Variants in BRDT observed in about 807,000 individuals in gnomAD.
BRDT encodes the protein bromodomain testis-specific protein.
BRDT carries 77 observed loss-of-function variants against 113.9 expected under a neutral mutation model. That is an observed-to-expected ratio of 0.68 (90% CI 0.56 to 0.82). The LOEUF is 0.82. Ranked by LOEUF, BRDT falls within the 40% of genes least tolerant of loss-of-function variation. The probability of loss-of-function intolerance (pLI) is 0.00; values close to 1 mark genes in which losing one functional copy is unlikely to be tolerated. For synonymous variants in BRDT, 358 were observed against 366.5 expected, an observed-to-expected ratio of 0.98 and a Z score of 0.26; for missense variants, 1,027 against 1,105.4, an observed-to-expected ratio of 0.93 and a Z score of 1.01.
chr1:91,995,180 A>G (rs1686183211), intron 15 of BRDT, among the ~76,000 whole-genome samples: 1 of 152,070 alleles, frequency 6.6e-6, no homozygotes, highest in Non-Finnish European at 1.5e-5. Context: ...AAACCTTGAG[A>G]CACTAATGTA....
intron 18 of BRDT, among the ~76,000 whole-genome samples, chr1:92,013,432 C>G (rs1036145031): frequency 6.6e-6 from 1 of 152,104 alleles, no homozygotes; most frequent in Non-Finnish European, 1.5e-5. Context: ...CAACTGATTG[C>G]AAATTGGTGC....
Position 91,981,657 on chromosome 1 carries a change from C to T in BRDT, c.1904C>T (p.Ser635Phe), listed in dbSNP as rs575966997. The T allele has an allele frequency of 1.2e-6, 2 of 1,614,142 alleles. No individual in the cohort carries two copies. The highest frequency in any genetic ancestry group is 2.2e-5 in the East Asian group (1 of 44,884). Reference protein sequence around the residue: ...TQPSKAVENVSRLSESSSSSS... With the variant: ...TQPSKAVENVFRLSESSSSSS... ...CCATCCAAAGCTGTTGAAAATGTTTCCCGACTGAGTGAGAGCAGCAGCAGC... is the reference window on the plus strand; with the variant it reads ...CCATCCAAAGCTGTTGAAAATGTTTTCCGACTGAGTGAGAGCAGCAGCAGC... The change falls in exon 12 of 19, where the codon TCC (serine) becomes TTC (phenylalanine). Residue 635 changes from serine (S) to phenylalanine (F), a missense_variant. Ser to Phe is a radical substitution (Grantham distance 155). Coordinates refer to ENST00000399546, the MANE Select transcript of BRDT (RefSeq NM_207189.4).
intron 6 of BRDT, among the ~76,000 whole-genome samples, chr1:91,977,722 A>AG (rs35835645): frequency 3.3e-5 from 5 of 150,696 alleles, no homozygotes; most frequent in African/African-American, 1.2e-4. Context: ...AAAAAAAAAA[A>AG]GCTGGGAATG....
At position 91,977,031 on chromosome 1, in the gene BRDT, G is replaced by C; in HGVS notation, c.619-12G>C. 6.4e-7 allele frequency: 1 copy of C among 1,551,586 alleles called. No homozygotes were observed. Among genetic ancestry groups the C allele is most frequent in the South Asian group, 1.2e-5 (1 of 81,030 alleles). ...TCAAATATATTTTTGTTGTTGAATT[G>C]TTCTGTTGTAGGTTACAAAAGGTGT... On this transcript the variant is annotated splice_polypyrimidine_tract_variant and intron_variant, in intron 5 of 18. Coordinates refer to ENST00000399546, the MANE Select transcript of BRDT (RefSeq NM_207189.4).
At chr1:91,995,952 T>C (rs1475790010) in intron 15 of BRDT, among the ~76,000 whole-genome samples, 1 of 152,110 alleles carries the variant, frequency 6.6e-6, no homozygotes, top group African/African-American at 2.4e-5. Flanking sequence ...ATCTCTTCAT[T>C]GTGGGGAAGG....
At position 91,977,146 on chromosome 1, in the gene BRDT, C is replaced by T; in HGVS notation, c.722C>T (p.Ala241Val). The T allele has an allele frequency of 3.1e-6, 5 of 1,613,960 alleles. No individual in the cohort carries two copies. Among genetic ancestry groups the T allele is most frequent in the Non-Finnish European group, 3.4e-6 (4 of 1,179,958 alleles). The change falls in exon 6 of 19, where the codon GCA (alanine) becomes GTA (valine). Residue 241 changes from alanine to valine, a missense_variant. Transcript: ENST00000399546. ...CCAACATTCACAGAAAAATCAGTGG[C>T]ACTGCCACCTATAAAAGAAAATATG... Reference protein sequence around the residue: ...FSPTFTEKSVALPPIKENMPK... With the variant: ...FSPTFTEKSVVLPPIKENMPK...
At chr1:91,971,429 A>G (rs942560780) in intron 4 of BRDT, among the ~76,000 whole-genome samples, 1 of 152,234 alleles carries the variant, frequency 6.6e-6, no homozygotes, top group East Asian at 1.9e-4. Context: ...GACTTCTGAC[A>G]GAAGCATTCC....
intron 15 of BRDT, among the ~76,000 whole-genome samples, chr1:91,995,679 C>T (rs1447590284): frequency 6.7e-6 from 1 of 149,630 alleles, no homozygotes; most frequent in Admixed American, 6.7e-5. Context: ...TTCTTGTTGC[C>T]CAGGGTGGGT....
chr1:91,979,497 T>A, intron 7 of BRDT, 72 bp from the exon 8 acceptor site: 1 of 1,425,120 alleles, frequency 7.0e-7, no homozygotes, highest in Non-Finnish European at 9.7e-7. Context: ...AATGTACTTT[T>A]TGTTAAAAGC....
intron 4 of BRDT, 66 bp downstream of exon 4, chr1:91,968,326 G>A (rs1683278853): frequency 6.4e-7 from 1 of 1,560,046 alleles, no homozygotes; most frequent in Non-Finnish European, 8.7e-7. Context: ...TCATGTGTGT[G>A]TGTAAATCCC....
chr1:92,006,510 A>G (rs1178820170), intron 18 of BRDT, among the ~76,000 whole-genome samples: 5 of 152,084 alleles, frequency 3.3e-5, no homozygotes, highest in Non-Finnish European at 7.3e-5. Context: ...TTTGTTGCCC[A>G]AGCTGGAGTG....
At chr1:91,958,252 G>A (rs1682022608) in intron 1 of BRDT, among the ~76,000 whole-genome samples, 1 of 126,736 alleles carries the variant, frequency 7.9e-6, no homozygotes, top group African/African-American at 3.0e-5. Flanking sequence ...GTCTCACTCT[G>A]TCACCTAGGC....
At chr1:91,990,050 G>A (rs1685623752) in intron 12 of BRDT, among the ~76,000 whole-genome samples, 1 of 152,192 alleles carries the variant, frequency 6.6e-6, no homozygotes, top group Non-Finnish European at 1.5e-5. Context: ...ATGAAAGCTG[G>A]CTTGGAGAGA....
intron 6 of BRDT, 155 bp downstream of exon 6, chr1:91,977,548 A>G: frequency 1.6e-6 from 1 of 641,488 alleles, no homozygotes; most frequent in Non-Finnish European, 2.5e-6. Flanking sequence ...TTTAAAATAT[A>G]TCTTTTTGTT....
intron 18 of BRDT, among the ~76,000 whole-genome samples, chr1:92,011,884 C>T (rs564842920): frequency 3.9e-5 from 6 of 152,314 alleles, no homozygotes; most frequent in Admixed American, 2.0e-4. Context: ...AGTTCCCAAA[C>T]GTTTACCTCA....
chr1:92,000,935 A>G (rs1180551284), intron 15 of BRDT, among the ~76,000 whole-genome samples: 2 of 152,198 alleles, frequency 1.3e-5, no homozygotes, highest in African/African-American at 4.8e-5. Context: ...AATAAATGAA[A>G]TATTTGCATG....
intron 18 of BRDT, among the ~76,000 whole-genome samples, chr1:92,011,474 GTCTT>G (rs1394386512): frequency 1.3e-5 from 2 of 152,062 alleles, no homozygotes; most frequent in Non-Finnish European, 2.9e-5. Context: ...TTGACCTAAA[GTCTT>G]TCTTTTTTTT....
At chr1:91,965,067 C>A (rs774402632) in intron 3 of BRDT, among the ~76,000 whole-genome samples, 1 of 151,822 alleles carries the variant, frequency 6.6e-6, no homozygotes, top group South Asian at 2.1e-4. Flanking sequence ...CACCAACCTG[C>A]CTGGCTAATT....
At chr1:91,961,032 C>T (rs914470551) in intron 1 of BRDT, among the ~76,000 whole-genome samples, 31 of 152,264 alleles carry the variant, frequency 2.0e-4, no homozygotes, top group Non-Finnish European at 3.8e-4. Context: ...CACTTTGGGT[C>T]GGGTGCAGTG....
Sources: gnomAD v4.1 joint callset for allele counts (sites outside exome capture counted in the v4.1 genomes callset) on GRCh38, gnomAD v4.1.1 for gene constraint, MANE v1.5 for transcripts, NCBI Gene and HGNC (gene_info 2026-07-23, HGNC 2026-07-21) for gene names.